The following RORB variants were observed in gnomAD, a reference collection of about 807,000 sequenced individuals.
RORB encodes RAR related orphan receptor B, also known as nuclear receptor ROR-beta.
A neutral mutation model predicts 59.1 loss-of-function variants in RORB; 6 were observed. That is an observed-to-expected ratio of 0.10 (90% confidence interval 0.06 to 0.20). RORB has a LOEUF of 0.20. RORB is among the 10% of genes least tolerant of loss of function. RORB has a pLI of 1.00. For synonymous variants in RORB, 215 were observed against 204.5 expected, an observed-to-expected ratio of 1.05 and a Z score of -0.44; for missense variants, 320 against 560.5, an observed-to-expected ratio of 0.57 and a Z score of 4.33.
At chr9:74,550,645 A>G (rs976315162) in intron 1 of RORB, among the ~76,000 whole-genome samples, 1 of 152,232 alleles carries the variant, frequency 6.6e-6, no homozygotes, top group African/African-American at 2.4e-5. Flanking sequence ...GATGTCACTT[A>G]AAACCATTTT....
chr9:74,598,450 C>T (rs1271338268), intron 1 of RORB, among the ~76,000 whole-genome samples: 1 of 152,144 alleles, frequency 6.6e-6, no homozygotes, highest in Non-Finnish European at 1.5e-5. Context: ...ATGTTGGACC[C>T]ACACACGCTT....
rs1207281832 is a variant in RORB, at chr9:74,689,980, C to T, written c.*4362C>T. On this transcript the variant is annotated 3_prime_UTR_variant, in exon 10 of 10. Coordinates refer to ENST00000376896, the MANE Select transcript of RORB (RefSeq NM_006914.4). ...TTTTTTTTTCTATAAACTTTTATTTCCAAGGAAGCTGCTACAATTTGCAGT... is the reference window on the plus strand; with the variant it reads ...TTTTTTTTTCTATAAACTTTTATTTTCAAGGAAGCTGCTACAATTTGCAGT... 2 of 151,722 alleles carry T rather than the reference C, an allele frequency of 1.3e-5. No homozygotes were observed. The highest frequency in any genetic ancestry group is 4.8e-5 in the African/African-American group (2 of 41,270). The allele number at this position is 151,722 out of a possible 1,614,324, so 9.4% of individuals were successfully genotyped here. A position where few individuals can be genotyped will look rare whatever the true frequency, so the allele number is the denominator to read the frequency against.
At chr9:74,596,112 T>C (rs1822967328) in intron 1 of RORB, among the ~76,000 whole-genome samples, 1 of 152,192 alleles carries the variant, frequency 6.6e-6, no homozygotes, top group Non-Finnish European at 1.5e-5. Context: ...GCTGTAGCAC[T>C]GAGGGCTTTC....
intron 1 of RORB, among the ~76,000 whole-genome samples, chr9:74,617,494 G>A (rs1051997398): frequency 3.3e-5 from 5 of 152,186 alleles, no homozygotes; most frequent in Non-Finnish European, 7.4e-5. Context: ...GGGATTAGGT[G>A]CAGCATGCTG....
chr9:74,548,253 C>T (rs1450774326), intron 1 of RORB, among the ~76,000 whole-genome samples: 4 of 152,154 alleles, frequency 2.6e-5, no homozygotes, highest in Admixed American at 6.5e-5. Flanking sequence ...TTATGATCAC[C>T]TTCTCTTATC....
At chr9:74,666,745 T>C (rs548194523) in intron 7 of RORB, among the ~76,000 whole-genome samples, 1 of 152,300 alleles carries the variant, frequency 6.6e-6, no homozygotes, top group East Asian at 1.9e-4. Context: ...CATGCCAACC[T>C]GTCCACAGTG....
At chr9:74,602,591 C>A (rs940353187) in intron 1 of RORB, among the ~76,000 whole-genome samples, 1 of 152,190 alleles carries the variant, frequency 6.6e-6, no homozygotes, top group African/African-American at 2.4e-5. Context: ...ACTGTTATGA[C>A]CCTAAGCTAT....
At chr9:74,624,229 A>G (rs907451835) in intron 1 of RORB, among the ~76,000 whole-genome samples, 21 of 152,220 alleles carry the variant, frequency 1.4e-4, no homozygotes, top group African/African-American at 4.1e-4. Context: ...GTTATTTAGG[A>G]GCTATCAGCC....
At chr9:74,603,999 G>GC (rs1301154332) in intron 1 of RORB, among the ~76,000 whole-genome samples, 1 of 152,214 alleles carries the variant, frequency 6.6e-6, no homozygotes, top group Admixed American at 6.5e-5. Context: ...ACGGATCAGT[G>GC]CAAGCTGGTA....
intron 1 of RORB, among the ~76,000 whole-genome samples, chr9:74,607,416 T>A (rs895005164): frequency 7.9e-5 from 12 of 152,196 alleles, no homozygotes; most frequent in African/African-American, 2.7e-4. Flanking sequence ...TAAGCCTAAG[T>A]GTCCAGATGA....
chr9:74,643,915 G>A (rs1823853289), intron 4 of RORB, among the ~76,000 whole-genome samples: 1 of 152,212 alleles, frequency 6.6e-6, no homozygotes, highest in Non-Finnish European at 1.5e-5. Flanking sequence ...CTTTACAAGG[G>A]GGAAAGCATT....
chr9:74,522,373 C>T (rs916992373), intron 1 of RORB, among the ~76,000 whole-genome samples: 1 of 151,662 alleles, frequency 6.6e-6, no homozygotes, highest in Admixed American at 6.6e-5. Context: ...CAAAATCTTA[C>T]AAGCATTAGA....
chr9:74,630,517 G>T, intron 2 of RORB, 150 bp downstream of exon 2: 1 of 517,802 alleles, frequency 1.9e-6, no homozygotes. Flanking sequence ...TGGGTGGGAG[G>T]GTTGATTTTC....
At chr9:74,635,796 C>T (rs1319960693) in intron 3 of RORB, among the ~76,000 whole-genome samples, 1 of 152,092 alleles carries the variant, frequency 6.6e-6, no homozygotes, top group African/African-American at 2.4e-5. Context: ...TATAGACACA[C>T]ACAAAACAAG....
intron 1 of RORB, among the ~76,000 whole-genome samples, chr9:74,593,425 C>T (rs1016922082): frequency 2.7e-5 from 4 of 149,198 alleles, no homozygotes; most frequent in Non-Finnish European, 4.4e-5. Context: ...GAGATCACAC[C>T]GTTGCACTCC....
At chr9:74,599,565 G>T (rs1237451761) in intron 1 of RORB, among the ~76,000 whole-genome samples, 4 of 152,182 alleles carry the variant, frequency 2.6e-5, no homozygotes, top group Non-Finnish European at 5.9e-5. Flanking sequence ...CTAGAGTTGA[G>T]TTGTATTTAG....
chr9:74,632,836 TA>T lies in RORB; in HGVS notation c.94-1792del, dbSNP rs551316728. Among the ~76,000 whole-genome samples the T allele has an allele frequency of 1.5e-3, 231 of 152,262 alleles. 1 individual carries two copies. Among genetic ancestry groups the T allele is most frequent in the African/African-American group, 5.2e-3 (216 of 41,542 alleles). Reference sequence around the variant, plus strand: ...GCTTCCTGACAGTTTTCATGGTATATAAAGTACATCATTTCAATCCCTGGGA... The same window carrying T: ...GCTTCCTGACAGTTTTCATGGTATATAAGTACATCATTTCAATCCCTGGGA... On this transcript the variant is annotated intron_variant, in intron 2 of 9. Transcript: ENST00000376896.
chr9:74,685,628 G>A lies in RORB; in HGVS notation c.*10G>A. 3 of 1,581,144 alleles carry A rather than the reference G, an allele frequency of 1.9e-6. No homozygotes were observed. The highest frequency in any genetic ancestry group is 2.6e-6 in the Non-Finnish European group (3 of 1,156,788). ...CACCGGCTGCAAATGAAGGGGACAA[G>A]AGAACTGTCTCATAGTCATGGAATG... On this transcript the variant is annotated 3_prime_UTR_variant, in exon 10 of 10. Coordinates refer to ENST00000376896, the MANE Select transcript of RORB (RefSeq NM_006914.4).
intron 1 of RORB, among the ~76,000 whole-genome samples, chr9:74,501,690 T>A (rs1259403503): frequency 2.0e-5 from 3 of 152,206 alleles, no homozygotes; most frequent in Non-Finnish European, 4.4e-5. Flanking sequence ...CTAGCGACTC[T>A]CTCCTCCTTC....
Sources: gnomAD v4.1 joint callset for allele counts (sites outside exome capture counted in the v4.1 genomes callset) on GRCh38, gnomAD v4.1.1 for gene constraint, MANE v1.5 for transcripts, NCBI Gene and HGNC (gene_info 2026-07-23, HGNC 2026-07-21) for gene names.